DENND1A: variants seen among roughly 807,000 people sequenced by gnomAD.
DENND1A encodes the protein DENN domain containing 1A.
In DENND1A, 51 loss-of-function variants were observed where a neutral mutation model predicts 113.7. The ratio of observed to expected loss-of-function variants is 0.45; its 90% CI spans 0.36 to 0.57. The LOEUF is 0.57. DENND1A is among the 20% of genes least tolerant of loss of function. DENND1A has a pLI of 0.00. For synonymous variants in DENND1A, 565 were observed against 570.8 expected (o/e 0.99, Z 0.14); for missense variants, 1,258 against 1,395.9 (o/e 0.90, Z 1.57).
At chr9:123,694,094 A>T (rs1420655261) in intron 5 of DENND1A, among the ~76,000 whole-genome samples, 1 of 151,930 alleles carries the variant, frequency 6.6e-6, no homozygotes, top group African/African-American at 2.4e-5. Context: ...TTGGCCTCCC[A>T]AAGTGCTGCA....
chr9:123,663,781 A>C (rs1263243046), intron 8 of DENND1A, among the ~76,000 whole-genome samples: 3 of 152,178 alleles, frequency 2.0e-5, no homozygotes, highest in African/African-American at 7.2e-5. Context: ...ACATTGTTAC[A>C]AGAAAAACAG....
Position 123,381,528 on chromosome 9 carries a change from T to C in DENND1A, c.3117A>G (p.Leu1039=), listed in dbSNP as rs776590199. The C allele has an allele frequency of 5.6e-6, 9 of 1,613,440 alleles. No individual in the cohort carries two copies. The East Asian group carries it at 1.8e-4, about 32-fold the overall frequency. The change falls in exon 24 of 24, where the codon TTA becomes TTG. Residue 1039 remains leucine (L), a synonymous_variant. Coordinates refer to ENST00000394215, the MANE Select transcript of DENND1A (RefSeq NM_001352964.2). This position sits in a 1 kb window ranked among gnomAD's most constrained non-coding sequence, Gnocchi z 4.7. ...QQARDPFEDL[L]QKTKQDVSPS... ...GGCTCACGTCTTGCTTGGTTTTCTG[T>C]AACAAATCCTCAAAGGGGTCTCTGG...
At chr9:123,462,371 G>T (rs1488993625) in intron 13 of DENND1A, among the ~76,000 whole-genome samples, 1 of 152,246 alleles carries the variant, frequency 6.6e-6, no homozygotes, top group African/African-American at 2.4e-5. Flanking sequence ...CAGAGTCAGG[G>T]TTAACAGCTG....
intron 2 of DENND1A, among the ~76,000 whole-genome samples, chr9:123,827,398 T>C (rs1031043515): frequency 1.4e-5 from 2 of 146,634 alleles, no homozygotes; most frequent in Non-Finnish European, 3.0e-5. Context: ...ATATAATATA[T>C]ATATATATAT....
At chr9:123,412,779 C>G (rs2044413229) in intron 19 of DENND1A, among the ~76,000 whole-genome samples, 1 of 152,212 alleles carries the variant, frequency 6.6e-6, no homozygotes. Flanking sequence ...CGCGGACCCA[C>G]AGCAATCCCC....
At chr9:123,536,711 G>A (rs1047092292) in intron 13 of DENND1A, among the ~76,000 whole-genome samples, 1 of 152,082 alleles carries the variant, frequency 6.6e-6, no homozygotes, top group African/African-American at 2.4e-5. Flanking sequence ...GTCCACAATG[G>A]GGAGAAACTG....
rs140053528 is a variant in DENND1A, at chr9:123,694,860, T to C, written c.303-18071A>G. On this transcript the variant is annotated intron_variant, in intron 5 of 23. Transcript: ENST00000394215. ...AATACTGAGTGTCAACTTGATTGAA[T>C]TGAAGGATACAAAGTATTGATCCTG... is the stretch of plus-strand genomic sequence containing the variant. Among the ~76,000 whole-genome samples the C allele has an allele frequency of 3.3e-3, 507 of 152,310 alleles. 2 individuals are homozygous for C. Among genetic ancestry groups the C allele is most frequent in the Middle Eastern group, 0.017 (5 of 294 alleles).
intron 6 of DENND1A, among the ~76,000 whole-genome samples, chr9:123,674,315 C>T (rs1250108770): frequency 6.7e-6 from 1 of 148,994 alleles, no homozygotes; most frequent in Non-Finnish European, 1.5e-5. Flanking sequence ...CCATCACAAT[C>T]TCTCTGTCTC....
At chr9:123,538,376 G>T (rs1334822033) in intron 13 of DENND1A, among the ~76,000 whole-genome samples, 1 of 152,108 alleles carries the variant, frequency 6.6e-6, no homozygotes, top group African/African-American at 2.4e-5. Flanking sequence ...AGAAACAATG[G>T]CCAACTCAGT....
intron 6 of DENND1A, among the ~76,000 whole-genome samples, chr9:123,674,190 C>T (rs1184852313): frequency 6.6e-6 from 1 of 152,120 alleles, no homozygotes; most frequent in Non-Finnish European, 1.5e-5. Flanking sequence ...GCCTGCCTTG[C>T]CCTGCCATCC....
intron 18 of DENND1A, among the ~76,000 whole-genome samples, chr9:123,441,879 T>C (rs1294132492): frequency 9.2e-5 from 14 of 152,254 alleles, no homozygotes. Context: ...AGAAACTTGA[T>C]ACTTGGTTGC....
chr9:123,480,770 C>G (rs906181305), intron 13 of DENND1A, among the ~76,000 whole-genome samples: 1 of 152,152 alleles, frequency 6.6e-6, no homozygotes, highest in Admixed American at 6.5e-5. Flanking sequence ...AAGCATACAG[C>G]CTGGCACACA....
At chr9:123,895,958 G>A (rs1413772901) in intron 1 of DENND1A, among the ~76,000 whole-genome samples, 1 of 152,070 alleles carries the variant, frequency 6.6e-6, no homozygotes, top group South Asian at 2.1e-4. Context: ...CTGAGAAAGG[G>A]AAATTTTTCC....
At chr9:123,826,059 A>G (rs1363365320) in intron 2 of DENND1A, among the ~76,000 whole-genome samples, 1 of 152,246 alleles carries the variant, frequency 6.6e-6, no homozygotes, top group Admixed American at 6.5e-5. Context: ...AAGGTACTGT[A>G]GGAATGTAAT....
chr9:123,462,446 A>G (rs10733663), intron 13 of DENND1A, among the ~76,000 whole-genome samples: 150,713 of 152,324 alleles, frequency 0.99, 74,580 homozygotes, highest in Middle Eastern at 1. Flanking sequence ...TTCTCCCTGC[A>G]GCCTCAGTCC....
Position 123,440,499 on chromosome 9 carries a change from GAGA to G in DENND1A, c.1357-11_1357-9del, listed in dbSNP as rs1564492465. The G allele has an allele frequency of 1.9e-6, 3 of 1,548,252 alleles. No homozygotes were observed. Among genetic ancestry groups the G allele is most frequent in the Non-Finnish European group, 2.6e-6 (3 of 1,158,352 alleles). On this transcript the variant is annotated splice_polypyrimidine_tract_variant and intron_variant, in intron 18 of 23. Transcript: ENST00000394215. Reference sequence around the variant, plus strand: ...GCCATTCTCGGCAATGTCCTGTAGGGAGAAGGATAGTCAGCGGTTGGCACTGGG... The same window carrying G: ...GCCATTCTCGGCAATGTCCTGTAGGGAGGATAGTCAGCGGTTGGCACTGGG...
At chr9:123,872,004 ATC>A in intron 2 of DENND1A, among the ~76,000 whole-genome samples, 1 of 152,252 alleles carries the variant, frequency 6.6e-6, no homozygotes, top group Non-Finnish European at 1.5e-5. Flanking sequence ...TTGCAGGCTG[ATC>A]TCTCTTACAA....
intron 1 of DENND1A, among the ~76,000 whole-genome samples, chr9:123,922,108 T>C (rs1469749307): frequency 6.6e-6 from 1 of 152,050 alleles, no homozygotes; most frequent in East Asian, 1.9e-4. Context: ...AATTGTTGTA[T>C]TTTTTTGTAA....
intron 14 of DENND1A, 101 bp downstream of exon 14, chr9:123,457,692 T>C: frequency 8.5e-7 from 1 of 1,170,740 alleles, no homozygotes. Context: ...GCCTGGGGCC[T>C]GAGTCCCATC....
Sources: allele counts gnomAD v4.1 joint callset (sites outside exome capture counted in the v4.1 genomes callset), GRCh38; gene constraint gnomAD v4.1.1; non-coding constraint Gnocchi (gnomAD v3.1); transcripts MANE v1.5; gene names NCBI Gene and HGNC (gene_info 2026-07-23, HGNC 2026-07-21).